Variants in SUSD3 observed in about 807,000 individuals in gnomAD.
SUSD3 encodes sushi domain containing 3.
In SUSD3, 18 loss-of-function variants were observed where a neutral mutation model predicts 20.6. The ratio of observed to expected loss-of-function variants is 0.87; its 90% CI spans 0.60 to 1.30. SUSD3 has a LOEUF of 1.30. Ranked by LOEUF, SUSD3 falls within the 50% of genes most tolerant of loss-of-function variation. SUSD3 has a pLI of 0.00. For synonymous variants in SUSD3, 137 were observed against 141.5 expected, an observed-to-expected ratio of 0.97 and a Z score of 0.23; for missense variants, 306 against 346.9, an observed-to-expected ratio of 0.88 and a Z score of 0.94.
intron 3 of SUSD3, among the ~76,000 whole-genome samples, chr9:93,078,900 C>T (rs370661422): frequency 2.6e-5 from 4 of 151,730 alleles, no homozygotes; most frequent in Non-Finnish European, 5.9e-5. Flanking sequence ...CCTGGGATCA[C>T]GCCATTCTCC....
chr9:93,083,445 A>G (rs919837332), intron 4 of SUSD3, among the ~76,000 whole-genome samples: 33 of 152,182 alleles, frequency 2.2e-4, no homozygotes, highest in Non-Finnish European at 4.9e-4. Context: ...ATAGGTGGTA[A>G]ATTGCCTTTA....
rs1342581660 is a variant in SUSD3, at chr9:93,060,897, A to C, written c.88+2067A>C. Among the ~76,000 whole-genome samples the C allele has an allele frequency of 2.0e-5, 3 of 152,154 alleles. No individual in the cohort carries two copies. In the East Asian group the frequency reaches 5.8e-4, roughly 29 times the overall value. On this transcript the variant is annotated intron_variant, in intron 1 of 4. Transcript: ENST00000375472. The stretch of plus-strand genomic sequence containing the variant: ...TGTGTGTTTTTCCCACCATCTTTAA[A>C]ATGGGGCCATTACCACTGGTTTTCC...
intron 2 of SUSD3, 80 bp from the exon 3 acceptor site, chr9:93,077,766 C>A: frequency 6.5e-7 from 1 of 1,538,800 alleles, no homozygotes; most frequent in Non-Finnish European, 8.9e-7. Flanking sequence ...CTACCCGTAC[C>A]ACCCCTGAGA....
chr9:93,075,747 C>T (rs753393618), intron 1 of SUSD3, 37 bp from the exon 2 acceptor site: 13 of 192,926 alleles, frequency 6.7e-5, no homozygotes, highest in East Asian at 3.5e-4. Context: ...CCCACCCCCC[C>T]CCCCCCGCCA....
intron 1 of SUSD3, among the ~76,000 whole-genome samples, chr9:93,071,691 T>A (rs1202340884): frequency 6.6e-6 from 1 of 152,186 alleles, no homozygotes; most frequent in Non-Finnish European, 1.5e-5. Context: ...CACTCCCCAA[T>A]GCAGAAGTGA....
chr9:93,078,339 AC>A (rs1356960081), intron 3 of SUSD3, among the ~76,000 whole-genome samples: 1 of 150,984 alleles, frequency 6.6e-6, no homozygotes, highest in Admixed American at 6.6e-5. Context: ...GCTCACTGCA[AC>A]CTCCGCCTCC....
chr9:93,080,318 CA>C (rs56134136), intron 4 of SUSD3, among the ~76,000 whole-genome samples: 5,202 of 56,792 alleles, frequency 0.092, 151 homozygotes, highest in African/African-American at 0.27. Context: ...GACTCCGTCT[CA>C]AAAAAAAAAA....
At chr9:93,082,822 A>G (rs1826474671) in intron 4 of SUSD3, among the ~76,000 whole-genome samples, 1 of 152,182 alleles carries the variant, frequency 6.6e-6, no homozygotes, top group Non-Finnish European at 1.5e-5. Context: ...TTGCCTCTCA[A>G]GGCAACATGG....
chr9:93,069,535 C>T (rs1825836652), intron 1 of SUSD3, among the ~76,000 whole-genome samples: 1 of 152,094 alleles, frequency 6.6e-6, no homozygotes, highest in African/African-American at 2.4e-5. Flanking sequence ...ATGTGTTTTG[C>T]ACTTCTGTTA....
chr9:93,072,649 G>A (rs1023472303), intron 1 of SUSD3, among the ~76,000 whole-genome samples: 2 of 152,196 alleles, frequency 1.3e-5, no homozygotes, highest in African/African-American at 2.4e-5. Context: ...GATATGTCTC[G>A]CAGATAAAGA....
At chr9:93,069,215 C>T in intron 1 of SUSD3, 1 of 691,382 alleles carries the variant, frequency 1.4e-6, no homozygotes, top group East Asian at 2.7e-5. Flanking sequence ...CTCCACCCCG[C>T]CTGGGATTGC....
Position 93,084,812 on chromosome 9 carries a change from A to G in SUSD3, c.*65A>G. The G allele has an allele frequency of 7.3e-7, 1 of 1,367,006 alleles. No individual in the cohort carries two copies. Among genetic ancestry groups the G allele is most frequent in the Non-Finnish European group, 9.7e-7 (1 of 1,033,976 alleles). 84.7% of individuals were successfully genotyped at this position (1,367,006 alleles called of 1,614,324 possible). A position where few individuals can be genotyped will look rare whatever the true frequency, so the allele number is the denominator to read the frequency against. On this transcript the variant is annotated 3_prime_UTR_variant, in exon 5 of 5. Transcript: ENST00000375472. ...GCCAGGCTGACCCCACCAGCCAGTCAGCTACAACTCCACATCAACTCCACA... is the reference window on the plus strand; with the variant it reads ...GCCAGGCTGACCCCACCAGCCAGTCGGCTACAACTCCACATCAACTCCACA...
intron 1 of SUSD3, among the ~76,000 whole-genome samples, chr9:93,059,735 C>T (rs896868806): frequency 4.6e-5 from 7 of 152,180 alleles, no homozygotes; most frequent in Non-Finnish European, 8.8e-5. Flanking sequence ...TGTCAGCCTG[C>T]AGCCCCAGGG....
rs572111685 is a variant in SUSD3, at chr9:93,078,221, T to TC, written c.425+229dup. On this transcript the variant is annotated intron_variant, in intron 3 of 4. Transcript: ENST00000375472. ...GACATGTGGGCCCCCAAGGCCCTGC[T>TC]CTTAGGCCAGGCTATGGGTTCACGG... is the stretch of plus-strand genomic sequence containing the variant. 1.5e-3 allele frequency among the ~76,000 whole-genome samples: 226 copies of TC among 152,336 alleles called. 1 individual carries two copies. Among genetic ancestry groups the TC allele is most frequent in the African/African-American group, 4.9e-3 (204 of 41,562 alleles).
chr9:93,065,584 C>T (rs369549028), intron 1 of SUSD3, among the ~76,000 whole-genome samples: 3 of 152,344 alleles, frequency 2.0e-5, no homozygotes, highest in South Asian at 2.1e-4. Flanking sequence ...GGCTGCCTGG[C>T]GGCCCTGGGG....
chr9:93,062,721 C>G (rs1020345767), intron 1 of SUSD3, among the ~76,000 whole-genome samples: 1 of 151,828 alleles, frequency 6.6e-6, no homozygotes, highest in Non-Finnish European at 1.5e-5. Context: ...GGCCCTGGGT[C>G]CCCTGGGAGT....
chr9:93,058,948 C>G (rs1007236223), intron 1 of SUSD3, 118 bp downstream of exon 1: 1 of 560,422 alleles, frequency 1.8e-6, no homozygotes, highest in East Asian at 3.5e-5. Context: ...CAGCAACGAT[C>G]TGCCCCGAGG....
rs375832150 is a variant in SUSD3 at position 93,061,397 on chromosome 9, G to A, written c.88+2567G>A. On this transcript the variant is annotated intron_variant, in intron 1 of 4. Coordinates refer to ENST00000375472, the MANE Select transcript of SUSD3 (RefSeq NM_145006.4). ...TGGCCTCCTGCCACCCATTGGCATC[G>A]AAAGAGCTGCTGGTAGAAGGCATAG... 2.6e-5 allele frequency among the ~76,000 whole-genome samples: 4 copies of A among 152,260 alleles called. No individual in the cohort carries two copies. The East Asian group carries it at 5.8e-4, about 22-fold the overall frequency.
chr9:93,061,117 C>T (rs141154621), intron 1 of SUSD3, among the ~76,000 whole-genome samples: 30 of 152,374 alleles, frequency 2.0e-4, no homozygotes, highest in Middle Eastern at 6.8e-3. Context: ...CCAGCACTCC[C>T]TGATCTGGGA....
Sources: gnomAD v4.1 joint callset for allele counts (sites outside exome capture counted in the v4.1 genomes callset) on GRCh38, gnomAD v4.1.1 for gene constraint, MANE v1.5 for transcripts, NCBI Gene and HGNC (gene_info 2026-07-23, HGNC 2026-07-21) for gene names.